Variants in WWTR1 observed in about 807,000 individuals in gnomAD.
WWTR1 encodes the protein WW domain containing transcription regulator 1.
A neutral mutation model predicts 40.1 loss-of-function variants in WWTR1; 13 were observed. The ratio of observed to expected loss-of-function variants is 0.32; its 90% CI spans 0.21 to 0.52. The LOEUF (loss-of-function observed/expected upper bound fraction) is 0.52, where lower values mean the gene tolerates loss of function less well. Ranked by LOEUF, WWTR1 falls within the 20% of genes least tolerant of loss-of-function variation. The pLI is 0.97. For missense variants in WWTR1, 436 were observed against 523.1 expected (o/e 0.83, Z 1.63); for synonymous variants, 230 against 210.1 (o/e 1.09, Z -0.82).
intron 1 of WWTR1, among the ~76,000 whole-genome samples, chr3:149,697,669 C>A (rs551886425): frequency 6.6e-6 from 1 of 152,290 alleles, no homozygotes; most frequent in East Asian, 1.9e-4. Context: ...TTTCAAAATA[C>A]AATCATGCCT....
chr3:149,527,799 G>T (rs753630392), intron 5 of WWTR1, 37 bp downstream of exon 5: 74 of 1,612,206 alleles, frequency 4.6e-5, no homozygotes, highest in South Asian at 1.4e-4. Context: ...ACATAATAAA[G>T]AGAATAAAAA....
At chr3:149,594,863 T>C (rs1738907652) in intron 2 of WWTR1, among the ~76,000 whole-genome samples, 1 of 151,992 alleles carries the variant, frequency 6.6e-6, no homozygotes, top group African/African-American at 2.4e-5. Flanking sequence ...ATAGAATTTG[T>C]TATGGTATAA....
intron 5 of WWTR1, among the ~76,000 whole-genome samples, chr3:149,710,948 A>G (rs1715464737): frequency 6.6e-6 from 1 of 152,124 alleles, no homozygotes; most frequent in Non-Finnish European, 1.5e-5. Flanking sequence ...AAGTTCACAT[A>G]TGTAGTAAAG....
chr3:149,529,190 G>A (rs1195551319), intron 4 of WWTR1, among the ~76,000 whole-genome samples: 1 of 152,060 alleles, frequency 6.6e-6, no homozygotes, highest in Non-Finnish European at 1.5e-5. Context: ...GAAGTCATTG[G>A]TCTCACTGTC....
intron 3 of WWTR1, among the ~76,000 whole-genome samples, chr3:149,560,656 C>A (rs1737043371): frequency 6.6e-6 from 1 of 152,056 alleles, no homozygotes. Context: ...TTTTTTTTAA[C>A]TTTCTTTCTT....
intron 3 of WWTR1, among the ~76,000 whole-genome samples, chr3:149,568,341 A>G (rs1737431435): frequency 6.7e-6 from 1 of 149,400 alleles, no homozygotes; most frequent in African/African-American, 2.6e-5. Context: ...AGCCAAGTCT[A>G]AAGTCCCCCA....
At chr3:149,548,867 A>G (rs1047192419) in intron 3 of WWTR1, among the ~76,000 whole-genome samples, 3 of 152,214 alleles carry the variant, frequency 2.0e-5, no homozygotes, top group African/African-American at 7.2e-5. Context: ...TCAGAGGCAC[A>G]ATTCCATTTA....
intron 2 of WWTR1, among the ~76,000 whole-genome samples, chr3:149,642,327 G>A (rs1712216216): frequency 6.6e-6 from 1 of 151,994 alleles, no homozygotes; most frequent in African/African-American, 2.4e-5. Context: ...GGCTGAGGCA[G>A]GAGAATTGCT....
At chr3:149,719,553 A>C (rs933078860) in intron 4 of WWTR1, among the ~76,000 whole-genome samples, 2 of 152,126 alleles carry the variant, frequency 1.3e-5, no homozygotes, top group African/African-American at 4.8e-5. Context: ...GGGTTGCTTC[A>C]ATGTTTTAGC....
chr3:149,597,652 T>A (rs377066389), intron 2 of WWTR1, among the ~76,000 whole-genome samples: 164 of 152,002 alleles, frequency 1.1e-3, no homozygotes, highest in African/African-American at 3.7e-3. Context: ...AAAGATAAAC[T>A]AAAATAGCAT....
chr3:149,617,856 A>G (rs1338507398), intron 2 of WWTR1, among the ~76,000 whole-genome samples: 1 of 152,176 alleles, frequency 6.6e-6, no homozygotes, highest in Non-Finnish European at 1.5e-5. Flanking sequence ...TCAGAGTCCA[A>G]TATTATTCAT....
rs1269490774 is a variant in WWTR1 at position 149,535,568 on chromosome 3, A to G, written c.771+6767T>C. 2.0e-5 allele frequency among the ~76,000 whole-genome samples: 3 copies of G among 152,174 alleles called. No individual in the cohort carries two copies. The East Asian group carries it at 5.8e-4, about 29-fold the overall frequency. ...TAGGAAGCCATTTACTAAGTTTGTC[A>G]TTATTATCTATGGTCTATTTGTTGC... On this transcript the variant is annotated intron_variant, in intron 4 of 6. Coordinates refer to ENST00000360632, the MANE Select transcript of WWTR1 (RefSeq NM_015472.6).
chr3:149,570,297 C>T (rs564306721), intron 3 of WWTR1, among the ~76,000 whole-genome samples: 4 of 152,160 alleles, frequency 2.6e-5, no homozygotes, highest in Admixed American at 1.3e-4. Flanking sequence ...TGCTGGGTGC[C>T]GGGTCTCACG....
intron 3 of WWTR1, among the ~76,000 whole-genome samples, chr3:149,549,006 T>C (rs1736497056): frequency 6.6e-6 from 1 of 152,214 alleles, no homozygotes; most frequent in African/African-American, 2.4e-5. Context: ...TTCATTAGTT[T>C]ACTAAAAATG....
upstream of WWTR1, among the ~76,000 whole-genome samples, chr3:149,706,669 T>C (rs1256191544): frequency 6.6e-6 from 1 of 152,162 alleles, no homozygotes; most frequent in African/African-American, 2.4e-5. Flanking sequence ...AACTCTATTT[T>C]ATATCCTTAT....
intron 2 of WWTR1, among the ~76,000 whole-genome samples, chr3:149,624,700 AT>A (rs1480814625): frequency 1.3e-5 from 2 of 151,954 alleles, no homozygotes; most frequent in Admixed American, 6.6e-5. Flanking sequence ...AATCATAATC[AT>A]TTTTAACCTT....
intron 2 of WWTR1, among the ~76,000 whole-genome samples, chr3:149,668,066 T>C (rs888182149): frequency 4.6e-5 from 7 of 152,192 alleles, no homozygotes; most frequent in Admixed American, 4.6e-4. Context: ...GAGATGATAA[T>C]AATTCAGAGT....
chr3:149,558,064 T>C (rs1429972277), intron 3 of WWTR1, among the ~76,000 whole-genome samples: 1 of 151,220 alleles, frequency 6.6e-6, no homozygotes, highest in East Asian at 1.9e-4. Context: ...AACAAATGAA[T>C]GGAAGCATCA....
chr3:149,648,682 G>C (rs888609872), intron 2 of WWTR1, among the ~76,000 whole-genome samples: 2 of 152,234 alleles, frequency 1.3e-5, no homozygotes, highest in African/African-American at 2.4e-5. Flanking sequence ...GCCAGAAGGA[G>C]TACAGCCAAT....
Sources: allele counts gnomAD v4.1 joint callset (sites outside exome capture counted in the v4.1 genomes callset), GRCh38; gene constraint gnomAD v4.1.1; transcripts MANE v1.5; gene names NCBI Gene and HGNC (gene_info 2026-07-23, HGNC 2026-07-21).